Variants in THOC1 observed in about 807,000 individuals in gnomAD.
The protein encoded by THOC1 is THO complex 1.
A neutral mutation model predicts 97.3 loss-of-function variants in THOC1; 29 were observed. The ratio of observed to expected loss-of-function variants is 0.30; its 90% CI spans 0.22 to 0.41. The LOEUF is 0.41. Ranked by LOEUF, THOC1 falls within the 10% of genes least tolerant of loss-of-function variation. The pLI is 1.00. For missense variants in THOC1, 529 were observed against 761.9 expected (o/e 0.69, Z 3.60); for synonymous variants, 255 against 257.0 (o/e 0.99, Z 0.07).
At chr18:235,113 C>A (rs1308635763) in intron 11 of THOC1, among the ~76,000 whole-genome samples, 4 of 128,312 alleles carry the variant, frequency 3.1e-5, no homozygotes, top group Admixed American at 8.2e-5. Flanking sequence ...GAGTCTATTT[C>A]GGTCATTAAA....
intron 18 of THOC1, among the ~76,000 whole-genome samples, chr18:218,416 G>A (rs1003987610): frequency 5.3e-5 from 8 of 152,090 alleles, no homozygotes; most frequent in African/African-American, 1.9e-4. Flanking sequence ...AATTCCTGAT[G>A]TTACTCCAAA....
At chr18:246,101 A>G (rs1912078271) in intron 11 of THOC1, 1 of 339,594 alleles carries the variant, frequency 2.9e-6, no homozygotes, top group African/African-American at 2.1e-5. Flanking sequence ...AAATTAGTTT[A>G]CAAAACAGAC....
intron 18 of THOC1, among the ~76,000 whole-genome samples, 181 bp from the exon 19 acceptor site, chr18:216,814 T>C (rs772382075): frequency 6.6e-6 from 1 of 152,194 alleles, no homozygotes; most frequent in African/African-American, 2.4e-5. Flanking sequence ...AACAAACCAA[T>C]AGATGCACAT....
intron 3 of THOC1, 94 bp from the exon 4 acceptor site, chr18:264,186 T>G: frequency 1.3e-6 from 1 of 774,506 alleles, no homozygotes. Context: ...TTAAATTGAC[T>G]ATCAGAAATA....
At chr18:235,531 T>G (rs1911650465) in intron 11 of THOC1, among the ~76,000 whole-genome samples, 1 of 152,194 alleles carries the variant, frequency 6.6e-6, no homozygotes. Context: ...ATGTAATTCT[T>G]CCTATAATTA....
chr18:234,349 GTCT>G (rs1316642959), intron 11 of THOC1, among the ~76,000 whole-genome samples: 4 of 152,060 alleles, frequency 2.6e-5, no homozygotes, highest in Admixed American at 6.5e-5. Context: ...GTCCATCCAT[GTCT>G]TCTTTTTGGA....
intron 11 of THOC1, among the ~76,000 whole-genome samples, chr18:241,218 G>C (rs1250212022): frequency 1.3e-5 from 2 of 152,004 alleles, no homozygotes; most frequent in Non-Finnish European, 2.9e-5. Context: ...TTAACAGGAG[G>C]GTCTTGCTTC....
At chr18:229,596 T>A (rs547188612) in intron 11 of THOC1, among the ~76,000 whole-genome samples, 6 of 152,014 alleles carry the variant, frequency 3.9e-5, no homozygotes, top group African/African-American at 1.4e-4. Flanking sequence ...GGCAGGAGAA[T>A]AGCTTAAACC....
chr18:222,513 A>C (rs1333302396), intron 17 of THOC1, among the ~76,000 whole-genome samples: 1 of 152,232 alleles, frequency 6.6e-6, no homozygotes, highest in African/African-American at 2.4e-5. Context: ...TGAATTTACA[A>C]AACGAGCAGG....
intron 3 of THOC1, 55 bp from the exon 4 acceptor site, chr18:264,147 G>T (rs1247646063): frequency 8.4e-7 from 1 of 1,193,344 alleles, no homozygotes; most frequent in Non-Finnish European, 1.2e-6. Context: ...GACTAAACTC[G>T]ATTAACAGTA....
At chr18:255,360 A>T (rs936977708) in intron 7 of THOC1, among the ~76,000 whole-genome samples, 3 of 152,242 alleles carry the variant, frequency 2.0e-5, no homozygotes, top group African/African-American at 7.2e-5. Flanking sequence ...AGGGAAGTTA[A>T]AAGTGCCACT....
At chr18:255,816 G>A in intron 7 of THOC1, among the ~76,000 whole-genome samples, 1 of 152,216 alleles carries the variant, frequency 6.6e-6, no homozygotes, top group East Asian at 1.9e-4. Flanking sequence ...AATGCAGCTG[G>A]TGACTTTAAG....
intron 3 of THOC1, 102 bp from the exon 4 acceptor site, chr18:264,194 A>G: frequency 1.4e-6 from 1 of 733,414 alleles, no homozygotes. Context: ...ACTATCAGAA[A>G]TATGGAATAC....
chr18:246,742 G>T (rs527835619), intron 10 of THOC1, among the ~76,000 whole-genome samples: 8 of 151,842 alleles, frequency 5.3e-5, no homozygotes, highest in Non-Finnish European at 1.0e-4. Context: ...TTCGGGAGGC[G>T]GAGGGGGGCG....
At chr18:216,304 T>C (rs1910888176) in intron 19 of THOC1, 182 bp downstream of exon 19, 2 of 686,702 alleles carry the variant, frequency 2.9e-6, no homozygotes, top group Non-Finnish European at 4.9e-6. Context: ...GTTACTTCTT[T>C]ATCAACTCAT....
At position 259,684 on chromosome 18, in the gene THOC1, T is replaced by C; in HGVS notation, c.422A>G (p.Asn141Ser). The change falls in exon 6 of 21, where the codon AAT (asparagine) becomes AGT (serine). Residue 141 changes from asparagine to serine, a missense_variant and splice_region_variant. Physicochemically the swap from Asn to Ser is conservative, Grantham distance 46 (BLOSUM62 1). Transcript: ENST00000261600. ...AGKNYLLRMCNDLLRRLSKSQ... is the reference protein window; with the variant it reads ...AGKNYLLRMCSDLLRRLSKSQ... ...CATTTTATCACTCAATTACTTACCA[T>C]TGCACATACGTAGTAAGTAATTTTT... is the stretch of plus-strand genomic sequence containing the variant. The C allele has an allele frequency of 1.3e-6, 2 of 1,547,050 alleles. No homozygotes were observed. The highest frequency in any genetic ancestry group is 1.7e-6 in the Non-Finnish European group (2 of 1,144,932).
At chr18:251,260 A>G (rs2143268780) in intron 9 of THOC1, among the ~76,000 whole-genome samples, 2 of 152,312 alleles carry the variant, frequency 1.3e-5, no homozygotes, top group Middle Eastern at 6.8e-3. Flanking sequence ...TTGGAGCCAC[A>G]CTACCTCTAA....
rs2143235513 is a variant in THOC1 at position 242,331 on chromosome 18, G to A, written c.918+3993C>T. Among the ~76,000 whole-genome samples, 1 of 152,014 alleles carries A rather than the reference G, an allele frequency of 6.6e-6. No homozygotes were observed. The highest frequency in any genetic ancestry group is 3.4e-3 in the Middle Eastern group (1 of 294). On this transcript the variant is annotated intron_variant, in intron 11 of 20. Coordinates refer to ENST00000261600, the MANE Select transcript of THOC1 (RefSeq NM_005131.3). This position sits in a 1 kb window ranked among gnomAD's most constrained non-coding sequence, Gnocchi z 4.5. ...TGTCTCTATTAAAAATACAAAAATT[G>A]GCCAGGCGTGGTGTTGGGCGCCTGT... is the stretch of plus-strand genomic sequence containing the variant.
At chr18:249,917 G>A (rs1332665814) in intron 9 of THOC1, among the ~76,000 whole-genome samples, 1 of 152,146 alleles carries the variant, frequency 6.6e-6, no homozygotes, top group Non-Finnish European at 1.5e-5. Flanking sequence ...AGGAAAGTTT[G>A]TCTCTTAAAA....
Sources: allele counts gnomAD v4.1 joint callset (sites outside exome capture counted in the v4.1 genomes callset), GRCh38; gene constraint gnomAD v4.1.1; non-coding constraint Gnocchi (gnomAD v3.1); transcripts MANE v1.5; gene names NCBI Gene and HGNC (gene_info 2026-07-23, HGNC 2026-07-21).